The following MRAS variants were observed in gnomAD, a reference collection of about 807,000 sequenced individuals.
MRAS encodes the protein ras-related protein M-Ras.
A neutral mutation model predicts 20.9 loss-of-function variants in MRAS; 4 were observed. The observed-to-expected ratio is 0.19, with a 90% CI of 0.09 to 0.44. MRAS has a LOEUF of 0.44. MRAS is among the 20% of genes least tolerant of loss of function. The probability of loss-of-function intolerance (pLI) is 0.99; values close to 1 mark genes in which losing one functional copy is unlikely to be tolerated. For synonymous variants in MRAS, 98 were observed against 102.9 expected (o/e 0.95, Z 0.29); for missense variants, 154 against 277.5 (o/e 0.56, Z 3.16).
At chr3:138,388,268 A>T (rs1023378698) in intron 2 of MRAS, among the ~76,000 whole-genome samples, 6 of 152,180 alleles carry the variant, frequency 3.9e-5, no homozygotes, top group African/African-American at 1.2e-4. Flanking sequence ...AACACCCCTC[A>T]TCACTATGTG....
At chr3:138,394,145 C>G (rs1482366207) in intron 2 of MRAS, among the ~76,000 whole-genome samples, 1 of 151,616 alleles carries the variant, frequency 6.6e-6, no homozygotes, top group Non-Finnish European at 1.5e-5. Flanking sequence ...TGCAGTCTTC[C>G]TGCTCCCTCC....
chr3:138,397,586 G>A (rs949370315), intron 3 of MRAS, 109 bp downstream of exon 3: 31 of 1,354,860 alleles, frequency 2.3e-5, no homozygotes, highest in Non-Finnish European at 3.0e-5. Flanking sequence ...CTAATTAAAG[G>A]CGTGGATTTT....
At chr3:138,399,865 G>C (rs1241229946) in intron 4 of MRAS, among the ~76,000 whole-genome samples, 2 of 152,196 alleles carry the variant, frequency 1.3e-5, no homozygotes, top group Non-Finnish European at 2.9e-5. Flanking sequence ...GCCAGCCCGA[G>C]GCTTGGTGCA....
rs751178447 is a variant in MRAS at position 138,398,581 on chromosome 3, G to T, written c.447+13G>T. On this transcript the variant is annotated intron_variant, in intron 4 of 5. Transcript: ENST00000423968. ...GACCAAACACAATGTAGGTGTGTGC[G>T]TGTGTGTAGAGGGGGTCAGGAGATG... 3 of 1,612,344 alleles carry T rather than the reference G, an allele frequency of 1.9e-6. No individual in the cohort carries two copies. In the South Asian group the frequency reaches 3.3e-5, roughly 18 times the overall value.
intron 2 of MRAS, among the ~76,000 whole-genome samples, chr3:138,386,728 C>T (rs1412626873): frequency 4.6e-5 from 7 of 152,190 alleles, no homozygotes. Context: ...GGTGATCTGC[C>T]CGCCTCGGCC....
At chr3:138,350,142 T>C (rs1378538928) in intron 1 of MRAS, 4 of 152,236 alleles carry the variant, frequency 2.6e-5, no homozygotes, top group Admixed American at 6.5e-5. Flanking sequence ...AACTGACTCG[T>C]GTCAGAAGCT....
At chr3:138,390,465 A>T (rs1425601125) in intron 2 of MRAS, among the ~76,000 whole-genome samples, 1 of 152,188 alleles carries the variant, frequency 6.6e-6, no homozygotes, top group East Asian at 1.9e-4. Flanking sequence ...ACGCACACGC[A>T]CATTGGCAGC....
intron 2 of MRAS, among the ~76,000 whole-genome samples, chr3:138,384,152 A>T (rs764490055): frequency 1.3e-5 from 2 of 151,798 alleles, no homozygotes; most frequent in Non-Finnish European, 2.9e-5. Context: ...TTGATCTCAC[A>T]GGGTTTTGTA....
intron 1 of MRAS, among the ~76,000 whole-genome samples, chr3:138,356,994 C>T (rs534650110): frequency 6.6e-6 from 1 of 152,266 alleles, no homozygotes; most frequent in East Asian, 1.9e-4. Flanking sequence ...AGGAGGAAAT[C>T]AAAATAAAGA....
chr3:138,402,244 A>G lies in MRAS; in HGVS notation c.602A>G (p.His201Arg), dbSNP rs2055375617. ...KWRGDRATGT[H>R]KLQCVIL The stretch of plus-strand genomic sequence containing the variant: ...CGGGGAGACCGGGCCACAGGCACCC[A>G]CAAACTGCAATGTGTGATCTTGTGA... The change falls in exon 6 of 6, where the codon CAC becomes CGC. Residue 201 changes from histidine to arginine, a missense_variant. This residue lies in a region of MRAS where 125 missense variants were observed against 213.5 expected (regional missense o/e 0.59). Transcript: ENST00000423968. 1 of 1,614,258 alleles carries G rather than the reference A, an allele frequency of 6.2e-7. No individual in the cohort carries two copies.
chr3:138,359,164 G>A (rs987887243), intron 1 of MRAS, among the ~76,000 whole-genome samples: 5 of 152,174 alleles, frequency 3.3e-5, no homozygotes, highest in Middle Eastern at 3.2e-3. Context: ...GAGAAAAAAT[G>A]CAGCAGTCAT....
intron 2 of MRAS, among the ~76,000 whole-genome samples, chr3:138,383,915 G>A (rs879567617): frequency 3.9e-5 from 6 of 152,174 alleles, no homozygotes; most frequent in Non-Finnish European, 8.8e-5. Flanking sequence ...GTCTTGTGTT[G>A]GCTGGTCAAG....
At chr3:138,392,671 G>C (rs947981886) in intron 2 of MRAS, among the ~76,000 whole-genome samples, 1 of 151,968 alleles carries the variant, frequency 6.6e-6, no homozygotes, top group Non-Finnish European at 1.5e-5. Flanking sequence ...TTTTCTTTTG[G>C]TTACCATGTG....
intron 1 of MRAS, among the ~76,000 whole-genome samples, chr3:138,372,298 A>G (rs1199334): frequency 0.8 from 121,226 of 152,088 alleles, 48,493 homozygotes; most frequent in East Asian, 0.97. Flanking sequence ...TGATTCCCGC[A>G]TGACTTTGTG....
At chr3:138,392,309 G>A (rs2055148901) in intron 2 of MRAS, among the ~76,000 whole-genome samples, 1 of 152,164 alleles carries the variant, frequency 6.6e-6, no homozygotes, top group African/African-American at 2.4e-5. Flanking sequence ...TTGGGCTCAA[G>A]CTGATCCTCC....
chr3:138,351,867 G>A (rs1449980778), intron 1 of MRAS, among the ~76,000 whole-genome samples: 2 of 152,174 alleles, frequency 1.3e-5, no homozygotes, highest in Admixed American at 1.3e-4. Flanking sequence ...GATGTACAAA[G>A]TTGGACATAT....
chr3:138,382,742 G>A (rs964155500), intron 2 of MRAS, among the ~76,000 whole-genome samples: 4 of 152,212 alleles, frequency 2.6e-5, no homozygotes, highest in African/African-American at 9.6e-5. Flanking sequence ...TTCCAGATTT[G>A]TCAGCATCCC....
intron 1 of MRAS, among the ~76,000 whole-genome samples, chr3:138,363,819 A>AACCCCC (rs2054501005): frequency 9.1e-5 from 3 of 32,942 alleles, no homozygotes; most frequent in Non-Finnish European, 1.8e-4. Context: ...TAGAGGATTT[A>AACCCCC]CCCCCCCCCC....
In MRAS at chr3:138,363,877, G is replaced by A. The variant is rs530060757; in HGVS notation, c.-18-8989G>A. Reference sequence around the variant, plus strand: ...GAGGGTGGCTATGTTTTGTGATGGAGAGCTCTTCTGGATTTAGAAACCAGA... The same window carrying A: ...GAGGGTGGCTATGTTTTGTGATGGAAAGCTCTTCTGGATTTAGAAACCAGA... On this transcript the variant is annotated intron_variant, in intron 1 of 5. Transcript: ENST00000423968. 4.1e-5 allele frequency among the ~76,000 whole-genome samples: 6 copies of A among 146,382 alleles called. No homozygotes were observed. The South Asian group carries it at 1.1e-3, about 27-fold the overall frequency.
Sources: allele counts gnomAD v4.1 joint callset (sites outside exome capture counted in the v4.1 genomes callset), GRCh38; gene constraint gnomAD v4.1.1; regional missense constraint gnomAD v4.1.1; transcripts MANE v1.5; gene names NCBI Gene and HGNC (gene_info 2026-07-23, HGNC 2026-07-21).